CFAP300: variants seen among roughly 807,000 people sequenced by gnomAD.
The protein encoded by CFAP300 is cilia- and flagella-associated protein 300.
CFAP300 carries 32 observed loss-of-function variants against 33.0 expected under a neutral mutation model. The observed-to-expected ratio is 0.97, with a 90% CI of 0.73 to 1.30. The LOEUF is 1.30. CFAP300 is among the 50% of genes most tolerant of loss of function. CFAP300 has a pLI of 0.00. For synonymous variants in CFAP300, 102 were observed against 106.8 expected (o/e 0.95, Z 0.28); for missense variants, 356 against 318.1 (o/e 1.12, Z -0.90).
At chr11:102,071,430 T>C (rs1942311447) in intron 4 of CFAP300, among the ~76,000 whole-genome samples, 2 of 152,208 alleles carry the variant, frequency 1.3e-5, no homozygotes, top group Non-Finnish European at 2.9e-5. Context: ...TTTAGTCTGT[T>C]TATATTCAAG....
At chr11:102,067,480 A>G (rs1942246724) in intron 4 of CFAP300, among the ~76,000 whole-genome samples, 2 of 152,314 alleles carry the variant, frequency 1.3e-5, no homozygotes, top group East Asian at 3.9e-4. Flanking sequence ...TGAAAAGTAC[A>G]CTGAACTTGG....
Position 102,083,222 on chromosome 11 carries a change from C to A in CFAP300, c.*23C>A, listed in dbSNP as rs765729027. 12 of 1,418,906 alleles carry A rather than the reference C, an allele frequency of 8.5e-6. No homozygotes were observed. In the Admixed American group the frequency reaches 9.4e-5, roughly 11 times the overall value. The allele number at this position is 1,418,906 out of a possible 1,614,324, so 87.9% of individuals were successfully genotyped here. ...TAATGTTCTTTCAGATTATGTACCT[C>A]TACTATTTTGTATTTATCATTTTTC... On this transcript the variant is annotated 3_prime_UTR_variant, in exon 7 of 7. Transcript: ENST00000434758.
rs192692023 is a variant in CFAP300 at position 102,059,400 on chromosome 11, G to A, written c.268+445G>A. Among the ~76,000 whole-genome samples, 350 of 152,072 alleles carry A rather than the reference G, an allele frequency of 2.3e-3. 1 individual carries two copies. The highest frequency in any genetic ancestry group is 7.7e-3 in the African/African-American group (318 of 41,486). ...ATGGTGGCTCACGTCTGTAATCCCA[G>A]CACTTTGGGAGGCTGAGGCGGGCGG... On this transcript the variant is annotated intron_variant, in intron 3 of 6. Transcript: ENST00000434758.
At chr11:102,081,943 G>C (rs1183830624) in intron 6 of CFAP300, among the ~76,000 whole-genome samples, 1 of 151,042 alleles carries the variant, frequency 6.6e-6, no homozygotes, top group Non-Finnish European at 1.5e-5. Context: ...ATAGAATCTG[G>C]TACTTGAATT....
chr11:102,047,454 A>G lies in CFAP300; in HGVS notation c.-17A>G, dbSNP rs1252145917. On this transcript the variant is annotated 5_prime_UTR_variant, in exon 1 of 7. Transcript: ENST00000434758. ...CTCCATGGAAACGGCCCAGGCATCCACCCAGCCGAGAGCACGATGGCTACT... is the reference window on the plus strand; with the variant it reads ...CTCCATGGAAACGGCCCAGGCATCCGCCCAGCCGAGAGCACGATGGCTACT... The G allele has an allele frequency of 5.2e-6, 8 of 1,532,470 alleles. No individual in the cohort carries two copies. Among genetic ancestry groups the G allele is most frequent in the Non-Finnish European group, 7.0e-6 (8 of 1,143,782 alleles). The allele number at this position is 1,532,470 out of a possible 1,614,324, so 94.9% of individuals were successfully genotyped here. A position where few individuals can be genotyped will look rare whatever the true frequency, so the allele number is the denominator to read the frequency against.
chr11:102,061,803 C>T (rs571487550), intron 3 of CFAP300, among the ~76,000 whole-genome samples: 1 of 152,198 alleles, frequency 6.6e-6, no homozygotes, highest in South Asian at 2.1e-4. Context: ...CTTAAGACAC[C>T]GAATGATAAG....
intron 2 of CFAP300, among the ~76,000 whole-genome samples, chr11:102,053,343 G>A (rs993964161): frequency 4.0e-5 from 6 of 151,598 alleles, no homozygotes; most frequent in Admixed American, 2.6e-4. Context: ...CCTGAAGTCG[G>A]GAGTTCAAGA....
rs1942314675 is a variant in CFAP300 at position 102,071,714 on chromosome 11, T to G, written c.436-4159T>G. Among the ~76,000 whole-genome samples, 3 of 152,160 alleles carry G rather than the reference T, an allele frequency of 2.0e-5. No individual in the cohort carries two copies. The South Asian group carries it at 6.2e-4, about 32-fold the overall frequency. ...TTCTCTTTTATTTATGAAGGATAAT[T>G]TTGCTGGGTATAGTATTTTTGGCTG... On this transcript the variant is annotated intron_variant, in intron 4 of 6. Coordinates refer to ENST00000434758, the MANE Select transcript of CFAP300 (RefSeq NM_032930.3).
intron 3 of CFAP300, 55 bp downstream of exon 3, chr11:102,059,010 G>T: frequency 3.6e-6 from 4 of 1,098,006 alleles, no homozygotes; most frequent in Non-Finnish European, 3.9e-6. Context: ...AGAAAATTTT[G>T]CCTCAGGAAT....
chr11:102,075,923 T>C lies in CFAP300; in HGVS notation c.486T>C (p.Asp162=). 1 of 1,613,834 alleles carries C rather than the reference T, an allele frequency of 6.2e-7. No individual in the cohort carries two copies. The highest frequency in any genetic ancestry group is 1.1e-5 in the South Asian group (1 of 91,012). The change falls in exon 5 of 7, where the codon GAT becomes GAC. Residue 162 remains aspartate (D), a synonymous_variant. Transcript: ENST00000434758. The part of the protein sequence containing the change: ...SEKYEIFSQP[D]REEFLFCLFK... ...AATATGAAATATTCAGCCAACCAGA[T>C]AGAGAAGAGTTCCTGTTTTGTCTTT...
chr11:102,050,385 CA>C (rs1941951103), intron 2 of CFAP300, among the ~76,000 whole-genome samples: 1 of 152,130 alleles, frequency 6.6e-6, no homozygotes, highest in Admixed American at 6.5e-5. Flanking sequence ...GTTTCTACAA[CA>C]AAAACTCACT....
intron 5 of CFAP300, among the ~76,000 whole-genome samples, chr11:102,076,666 A>C (rs2135048005): frequency 6.6e-6 from 1 of 152,318 alleles, no homozygotes; most frequent in Non-Finnish European, 1.5e-5. Context: ...AAACAATAGA[A>C]AGCAAAAGAT....
rs948850801 is a variant in CFAP300 at position 102,047,470 on chromosome 11, G to A, written c.-1G>A. 3 of 1,535,752 alleles carry A rather than the reference G, an allele frequency of 2.0e-6. No individual in the cohort carries two copies. Among genetic ancestry groups the A allele is most frequent in the Admixed American group, 2.0e-5 (1 of 51,002 alleles). ...CAGGCATCCACCCAGCCGAGAGCAC[G>A]ATGGCTACTGGGGAGCTCGGGGACT... On this transcript the variant is annotated 5_prime_UTR_variant, in exon 1 of 7. Transcript: ENST00000434758.
chr11:102,075,883 T>A lies in CFAP300; in HGVS notation c.446T>A (p.Val149Glu). The change falls in exon 5 of 7, where the codon GTG (valine) becomes GAG (glutamate). Residue 149 changes from valine (V) to glutamate (E), a missense_variant. By Grantham distance (121) the Val-to-Glu change is moderately radical. Coordinates refer to ENST00000434758, the MANE Select transcript of CFAP300 (RefSeq NM_032930.3). The stretch of plus-strand genomic sequence containing the variant: ...ATTTTATCGTCTTAGGTTTTGCTAG[T>A]GGAAGACTCAGAAAAATATGAAATA... ...ISDELRRVLL[V>E]EDSEKYEIFS... 1 of 1,610,128 alleles carries A rather than the reference T, an allele frequency of 6.2e-7. No homozygotes were observed. The highest frequency in any genetic ancestry group is 8.5e-7 in the Non-Finnish European group (1 of 1,178,542).
chr11:102,072,125 CTGTG>C (rs1942322054), intron 4 of CFAP300, among the ~76,000 whole-genome samples: 1 of 151,392 alleles, frequency 6.6e-6, no homozygotes, highest in South Asian at 2.1e-4. Context: ...TAATTCAAAA[CTGTG>C]TTTGCTTTAT....
intron 3 of CFAP300, among the ~76,000 whole-genome samples, chr11:102,059,643 C>A (rs1179961975): frequency 4.6e-5 from 7 of 151,694 alleles, no homozygotes; most frequent in African/African-American, 1.7e-4. Context: ...AGCAAGAATG[C>A]CTCAAAAACT....
At chr11:102,068,698 A>G (rs1056606889) in intron 4 of CFAP300, among the ~76,000 whole-genome samples, 1 of 152,154 alleles carries the variant, frequency 6.6e-6, no homozygotes, top group Non-Finnish European at 1.5e-5. Context: ...GAGGCACAAG[A>G]ATTCCTTGAA....
chr11:102,066,578 G>A lies in CFAP300; in HGVS notation c.362G>A (p.Arg121Gln), dbSNP rs1420836171. Residue 121 changes from arginine (R) to glutamine (Q), a missense_variant, in exon 4 of 7, where the codon CGA (arginine) becomes CAA (glutamine). Transcript: ENST00000434758. ...CGGTTATATGATGAAGATATTGTAC[G>A]AGACAGTGGACATATTGTTAAATGT... ...FHRLYDEDIVRDSGHIVKCLD... is the reference protein window; with the variant it reads ...FHRLYDEDIVQDSGHIVKCLD... The A allele has an allele frequency of 6.8e-6, 11 of 1,611,072 alleles. No homozygotes were observed. Among genetic ancestry groups the A allele is most frequent in the African/African-American group, 6.7e-5 (5 of 74,794 alleles).
At chr11:102,052,827 C>G (rs1010324537) in intron 2 of CFAP300, among the ~76,000 whole-genome samples, 3 of 152,198 alleles carry the variant, frequency 2.0e-5, no homozygotes, top group Non-Finnish European at 4.4e-5. Flanking sequence ...CAGTAGCCTT[C>G]CTCCTAGCTA....
Sources: allele counts gnomAD v4.1 joint callset (sites outside exome capture counted in the v4.1 genomes callset), GRCh38; gene constraint gnomAD v4.1.1; transcripts MANE v1.5; gene names NCBI Gene and HGNC (gene_info 2026-07-23, HGNC 2026-07-21).